Variants in KIAA1328 observed in about 807,000 individuals in gnomAD.
The protein encoded by KIAA1328 is protein hinderin.
In KIAA1328, 52 loss-of-function variants were observed where a neutral mutation model predicts 68.1. The observed-to-expected ratio is 0.76, with a 90% CI of 0.61 to 0.96. The LOEUF (loss-of-function observed/expected upper bound fraction) is 0.96. Ranked by LOEUF, KIAA1328 falls within the 40% of genes least tolerant of loss-of-function variation. The pLI, the probability that KIAA1328 is intolerant of heterozygous loss-of-function variation, is 0.00. For missense variants in KIAA1328, 641 were observed against 677.6 expected, an observed-to-expected ratio of 0.95 and a Z score of 0.60; for synonymous variants, 232 against 239.4, an observed-to-expected ratio of 0.97 and a Z score of 0.28.
At chr18:36,836,625 G>C (rs1020158525) in intron 3 of KIAA1328, among the ~76,000 whole-genome samples, 8 of 151,644 alleles carry the variant, frequency 5.3e-5, no homozygotes, top group African/African-American at 1.9e-4. Context: ...TTTTCAAATT[G>C]AGATATAATT....
intron 6 of KIAA1328, among the ~76,000 whole-genome samples, chr18:36,994,169 C>A (rs1357207594): frequency 1.3e-5 from 2 of 151,872 alleles, no homozygotes; most frequent in African/African-American, 4.8e-5. Flanking sequence ...ATGACAATAC[C>A]ACAGATACTT....
At chr18:37,065,104 G>A (rs2056297867) in intron 6 of KIAA1328, among the ~76,000 whole-genome samples, 1 of 152,186 alleles carries the variant, frequency 6.6e-6, no homozygotes, top group African/African-American at 2.4e-5. Flanking sequence ...GCAAATAATT[G>A]TGTGTGAAAA....
At chr18:37,190,510 G>T (rs1171414946) in intron 9 of KIAA1328, among the ~76,000 whole-genome samples, 1 of 152,172 alleles carries the variant, frequency 6.6e-6, no homozygotes, top group African/African-American at 2.4e-5. Flanking sequence ...CCTGGAGGAT[G>T]CTGCGCGAGT....
At chr18:36,963,235 G>T (rs1449977541) in intron 6 of KIAA1328, among the ~76,000 whole-genome samples, 1 of 152,168 alleles carries the variant, frequency 6.6e-6, no homozygotes, top group Non-Finnish European at 1.5e-5. Flanking sequence ...TTTTAAGGTG[G>T]CTCTTGCCTA....
chr18:37,049,970 A>G (rs1365344458), intron 6 of KIAA1328, among the ~76,000 whole-genome samples: 2 of 152,214 alleles, frequency 1.3e-5, no homozygotes, highest in African/African-American at 4.8e-5. Context: ...GGGTTTGTGC[A>G]GATAGTGTTA....
Position 37,031,574 on chromosome 18 carries a change from T to C in KIAA1328, c.577-35316T>C, listed in dbSNP as rs534894564. ...TTGTCTTTAATAATTAAAGTAGGGCTTTCATAGATAGTGCATAGTTTGCTT... is the reference window on the plus strand; with the variant it reads ...TTGTCTTTAATAATTAAAGTAGGGCCTTCATAGATAGTGCATAGTTTGCTT... On this transcript the variant is annotated intron_variant, in intron 6 of 9. Transcript: ENST00000280020. Among the ~76,000 whole-genome samples the C allele has an allele frequency of 1.1e-4, 16 of 152,314 alleles. No homozygotes were observed. In the South Asian group the frequency reaches 1.2e-3, roughly 12 times the overall value.
intron 5 of KIAA1328, among the ~76,000 whole-genome samples, chr18:36,913,012 A>G (rs2049519055): frequency 1.3e-5 from 2 of 152,300 alleles, no homozygotes; most frequent in South Asian, 4.1e-4. Flanking sequence ...TTGAGGGTCC[A>G]CACTTGTGGG....
intron 7 of KIAA1328, among the ~76,000 whole-genome samples, chr18:37,116,617 T>G (rs1485388064): frequency 6.6e-6 from 1 of 152,170 alleles, no homozygotes; most frequent in Non-Finnish European, 1.5e-5. Flanking sequence ...ACTTTATGAC[T>G]AAAACACCAA....
At chr18:36,995,311 T>C (rs911532690) in intron 6 of KIAA1328, among the ~76,000 whole-genome samples, 21 of 152,200 alleles carry the variant, frequency 1.4e-4, no homozygotes, top group African/African-American at 4.6e-4. Flanking sequence ...GGCTGCATAG[T>C]ATTCCATGGA....
intron 5 of KIAA1328, among the ~76,000 whole-genome samples, chr18:36,953,413 GAT>G (rs1568208370): frequency 2.4e-4 from 34 of 140,188 alleles, no homozygotes; most frequent in African/African-American, 9.3e-4. Context: ...TAGATAGATA[GAT>G]AGATAGAGAT....
chr18:36,959,288 C>G lies in KIAA1328; in HGVS notation c.449-20C>G. Reference sequence around the variant, plus strand: ...TTTGAATCAATTTTTCAGTTTTTTTCCCTTAATTTGCAATCTCACCTCTTC... The same window carrying G: ...TTTGAATCAATTTTTCAGTTTTTTTGCCTTAATTTGCAATCTCACCTCTTC... On this transcript the variant is annotated intron_variant, in intron 5 of 9. Transcript: ENST00000280020. The G allele has an allele frequency of 6.5e-7, 1 of 1,546,724 alleles. No homozygotes were observed. Among genetic ancestry groups the G allele is most frequent in the Non-Finnish European group, 8.7e-7 (1 of 1,154,098 alleles).
intron 7 of KIAA1328, chr18:37,075,037 C>A (rs1364827660): frequency 1.3e-5 from 2 of 151,792 alleles, no homozygotes; most frequent in Non-Finnish European, 1.5e-5. Context: ...TTGTCAGATT[C>A]ACCAAAGTTG....
intron 6 of KIAA1328, among the ~76,000 whole-genome samples, chr18:37,020,897 A>C (rs1040743282): frequency 3.3e-5 from 5 of 152,196 alleles, no homozygotes; most frequent in Non-Finnish European, 5.9e-5. Context: ...GTCTTGTGTT[A>C]ATTTCTGCCC....
chr18:37,004,557 A>T (rs1425993208), intron 6 of KIAA1328, among the ~76,000 whole-genome samples: 1 of 152,130 alleles, frequency 6.6e-6, no homozygotes, highest in African/African-American at 2.4e-5. Context: ...CCACAATGAG[A>T]TACAACCTTA....
chr18:37,156,325 C>T (rs1292304667), intron 7 of KIAA1328, among the ~76,000 whole-genome samples: 1 of 148,490 alleles, frequency 6.7e-6, no homozygotes, highest in African/African-American at 2.5e-5. Flanking sequence ...ACTCGGGAGG[C>T]TGAGGCAGGA....
chr18:36,835,440 G>T, intron 3 of KIAA1328, 64 bp downstream of exon 3: 1 of 1,452,960 alleles, frequency 6.9e-7, no homozygotes, highest in South Asian at 1.3e-5. Context: ...TGACCAAAAA[G>T]GGTAGAAGAA....
At chr18:36,966,666 A>G (rs1424341406) in intron 6 of KIAA1328, among the ~76,000 whole-genome samples, 2 of 152,250 alleles carry the variant, frequency 1.3e-5, no homozygotes, top group Non-Finnish European at 2.9e-5. Flanking sequence ...TATGTAAAAA[A>G]TCAATTTTAT....
intron 6 of KIAA1328, among the ~76,000 whole-genome samples, chr18:37,055,231 AAG>A (rs1230290222): frequency 6.6e-6 from 1 of 152,206 alleles, no homozygotes; most frequent in Non-Finnish European, 1.5e-5. Context: ...GTTAAATGAC[AAG>A]AGAGTTCAAG....
rs769062667 is a variant in KIAA1328 at position 37,156,426 on chromosome 18, CAAAAAAAAAAA to C, written c.1233-3758_1233-3748del. On this transcript the variant is annotated intron_variant, in intron 7 of 9. Transcript: ENST00000280020. ...AGGTGACAAGAGAGAAACTCCGCCTCAAAAAAAAAAAAAAAAAAAAAAAAAAGAATGGGAAC... is the reference window on the plus strand; with the variant it reads ...AGGTGACAAGAGAGAAACTCCGCCTCAAAAAAAAAAAAAAAGAATGGGAAC... Among the ~76,000 whole-genome samples, 53 of 36,122 alleles carry C rather than the reference CAAAAAAAAAAA, an allele frequency of 1.5e-3. 1 individual carries two copies. Among genetic ancestry groups the C allele is most frequent in the South Asian group, 3.6e-3 (3 of 824 alleles). The allele number at this position is 36,122 out of a possible 152,430, so 23.7% of individuals were successfully genotyped here.
Sources: gnomAD v4.1 joint callset for allele counts (sites outside exome capture counted in the v4.1 genomes callset) on GRCh38, gnomAD v4.1.1 for gene constraint, MANE v1.5 for transcripts, NCBI Gene and HGNC (gene_info 2026-07-23, HGNC 2026-07-21) for gene names.